The following ETV1 variants were observed in gnomAD, a reference collection of about 807,000 sequenced individuals.
The protein encoded by ETV1 is ETS variant transcription factor 1.
A neutral mutation model predicts 62.3 loss-of-function variants in ETV1; 27 were observed. That is an observed-to-expected ratio of 0.43 (90% confidence interval 0.32 to 0.60). ETV1 has a LOEUF of 0.60. Among genes scored for constraint, ETV1 ranks in the 20% least tolerant of loss-of-function variants. The probability of loss-of-function intolerance (pLI) is 0.06; values close to 1 mark genes in which losing one functional copy is unlikely to be tolerated. For missense variants in ETV1, 605 were observed against 605.8 expected (o/e 1.00, Z 0.01); for synonymous variants, 222 against 199.6 (o/e 1.11, Z -0.94).
chr7:13,988,971 A>G, intron 3 of ETV1, 37 bp downstream of exon 3: 1 of 1,566,428 alleles, frequency 6.4e-7, no homozygotes, highest in Non-Finnish European at 8.7e-7. Flanking sequence ...CGACGGAGTC[A>G]AGTTTATAAA....
Position 13,892,532 on chromosome 7 carries a change from G to A in ETV1, c.*3334C>T, listed in dbSNP as rs111778568. 0.032 allele frequency: 7,404 copies of A among 232,678 alleles called. 149 individuals are homozygous for A. The highest frequency in any genetic ancestry group is 0.051 in the Middle Eastern group (40 of 780). The allele number at this position is 232,678 out of a possible 1,614,324, so 14.4% of individuals were successfully genotyped here. On this transcript the variant is annotated 3_prime_UTR_variant, in exon 14 of 14. Transcript: ENST00000430479. The stretch of plus-strand genomic sequence containing the variant: ...GCTACACAGTCTTCCTCCTCCGTGC[G>A]GTGTTCTGAATAACAGCCCTGCCCT...
At chr7:13,898,535 C>G (rs1437487840) in intron 13 of ETV1, among the ~76,000 whole-genome samples, 1 of 152,140 alleles carries the variant, frequency 6.6e-6, no homozygotes, top group African/African-American at 2.4e-5. Flanking sequence ...TAAACATACA[C>G]TGTTCCATTG....
At chr7:13,979,414 T>A (rs1159344547) in intron 5 of ETV1, among the ~76,000 whole-genome samples, 1 of 152,052 alleles carries the variant, frequency 6.6e-6, no homozygotes, top group African/African-American at 2.4e-5. Flanking sequence ...AATCTGTACA[T>A]TAGCATTCTC....
chr7:13,950,406 A>G (rs1223374034), intron 6 of ETV1, among the ~76,000 whole-genome samples: 3 of 152,046 alleles, frequency 2.0e-5, no homozygotes, highest in Non-Finnish European at 4.4e-5. Flanking sequence ...TCCTACCAGT[A>G]ACAGTAACTT....
intron 5 of ETV1, among the ~76,000 whole-genome samples, chr7:13,978,705 C>T (rs1001082958): frequency 6.6e-6 from 1 of 151,644 alleles, no homozygotes; most frequent in Non-Finnish European, 1.5e-5. Context: ...AAAAGGAATT[C>T]TACATTTTAA....
chr7:13,928,926 C>G (rs903550863), intron 9 of ETV1, among the ~76,000 whole-genome samples: 1 of 152,148 alleles, frequency 6.6e-6, no homozygotes, highest in African/African-American at 2.4e-5. Context: ...CCACTGCACT[C>G]AAGCCTGGGC....
In ETV1 at chr7:13,894,256, T is replaced by C. The variant is rs192795345; in HGVS notation, c.*1610A>G. ...AAATTCATGTCCCTTGCTTGAATCT[T>C]TTAGCGAGCTATTCAGAGATTCTAT... On this transcript the variant is annotated 3_prime_UTR_variant, in exon 14 of 14. Transcript: ENST00000430479. 7.2e-4 allele frequency: 168 copies of C among 232,758 alleles called. No homozygotes were observed. Among genetic ancestry groups the C allele is most frequent in the African/African-American group, 3.5e-3 (159 of 45,424 alleles). 14.4% of individuals were successfully genotyped at this position (232,758 alleles called of 1,614,324 possible). A position where few individuals can be genotyped will look rare whatever the true frequency, so the allele number is the denominator to read the frequency against.
At chr7:13,900,873 G>T (rs779882751) in intron 12 of ETV1, 34 bp from the exon 13 acceptor site, 168 of 1,356,738 alleles carry the variant, frequency 1.2e-4, no homozygotes, top group Non-Finnish European at 1.6e-4. Flanking sequence ...GTAGTGTTAA[G>T]TATTAACTTA....
At chr7:13,902,291 T>A (rs912582617) in intron 12 of ETV1, among the ~76,000 whole-genome samples, 3 of 152,004 alleles carry the variant, frequency 2.0e-5, no homozygotes, top group Non-Finnish European at 4.4e-5. Context: ...CCTTTAGAAA[T>A]ACCGATCCTA....
intron 9 of ETV1, among the ~76,000 whole-genome samples, chr7:13,928,572 C>T (rs1247255883): frequency 2.6e-5 from 4 of 152,000 alleles, no homozygotes; most frequent in African/African-American, 7.3e-5. Flanking sequence ...CGAGATCGTG[C>T]CACTGCACTC....
At chr7:13,988,611 A>C in intron 3 of ETV1, 1 of 1,224,590 alleles carries the variant, frequency 8.2e-7, no homozygotes, top group Non-Finnish European at 1.0e-6. Flanking sequence ...AAAAAAAAAG[A>C]GAAAATGAGA....
At chr7:13,902,514 GC>G (rs750500281) in intron 12 of ETV1, among the ~76,000 whole-genome samples, 3 of 149,402 alleles carry the variant, frequency 2.0e-5, no homozygotes, top group African/African-American at 5.0e-5. Context: ...GTGAATTGAA[GC>G]GGGGGTGGGG....
Position 13,949,165 on chromosome 7 carries a change from T to TA in ETV1, c.236-9920dup, listed in dbSNP as rs202084966. ...ATTTCACTTGGCTATAGCAGTGATTTAAAAAAAAAAATCTCTGTAAAAGGG... is the reference window on the plus strand; with the variant it reads ...ATTTCACTTGGCTATAGCAGTGATTTAAAAAAAAAAAATCTCTGTAAAAGGG... On this transcript the variant is annotated intron_variant, in intron 6 of 13. Transcript: ENST00000430479. Among the ~76,000 whole-genome samples the TA allele has an allele frequency of 2.8e-3, 412 of 148,684 alleles. 1 individual carries two copies. The highest frequency in any genetic ancestry group is 7.9e-3 in the African/African-American group (321 of 40,750).
At position 13,935,874 on chromosome 7, in the gene ETV1, CT is replaced by C; in HGVS notation, c.387del (p.Val130TrpfsTer3). The C allele has an allele frequency of 6.2e-7, 1 of 1,613,484 alleles. No individual in the cohort carries two copies. The highest frequency in any genetic ancestry group is 8.5e-7 in the Non-Finnish European group (1 of 1,179,664). On this transcript the variant is annotated frameshift_variant, in exon 8 of 14. Coordinates refer to ENST00000430479, the MANE Select transcript of ETV1 (RefSeq NM_004956.5). LOFTEE classifies it high-confidence loss of function. Reference sequence around the variant, plus strand: ...GGGGGGTTGGAGGGCCTCATTCCCACTTGTGGCTTCTGATCATAGGCACTAC... The same window carrying C: ...GGGGGGTTGGAGGGCCTCATTCCCACTGTGGCTTCTGATCATAGGCACTAC... ...YNVSAYDQKPQVGMRPSNPPT... is the reference protein window; with the variant it reads ...YNVSAYDQKPXVGMRPSNPPT...
chr7:13,909,760 AAT>A, intron 10 of ETV1, 60 bp from the exon 11 acceptor site: 1 of 1,349,358 alleles, frequency 7.4e-7, no homozygotes. Flanking sequence ...AAACACTTAA[AAT>A]ATAACCATTT....
At chr7:13,988,642 A>G in intron 3 of ETV1, 2 of 1,558,222 alleles carry the variant, frequency 1.3e-6, no homozygotes, top group East Asian at 2.3e-5. Context: ...AAACAAAAAC[A>G]CCCCATATAA....
At chr7:13,926,848 C>T (rs374244434) in intron 9 of ETV1, among the ~76,000 whole-genome samples, 18 of 152,148 alleles carry the variant, frequency 1.2e-4, no homozygotes, top group African/African-American at 4.3e-4. Flanking sequence ...TGATTGAAGT[C>T]TTTTTCTTTT....
At chr7:13,944,857 G>C (rs1787965597) in intron 6 of ETV1, among the ~76,000 whole-genome samples, 1 of 152,020 alleles carries the variant, frequency 6.6e-6, no homozygotes, top group South Asian at 2.1e-4. Flanking sequence ...CTTATAAAAG[G>C]GGGAATCTGG....
chr7:13,896,043 T>C lies in ETV1; in HGVS notation c.1257A>G (p.Glu419=). Residue 419 remains glutamate (E), a synonymous_variant, in exon 14 of 14, where the codon GAA becomes GAG. Transcript: ENST00000430479. The part of the protein sequence containing the change: ...RYVYKFVCDP[E]ALFSMAFPDN... ...CTGGAAAGGCCATGGAGAAAAGGGCTTCTGGATCACACACAAACTTGTAGA... is the reference window on the plus strand; with the variant it reads ...CTGGAAAGGCCATGGAGAAAAGGGCCTCTGGATCACACACAAACTTGTAGA... 6.2e-7 allele frequency: 1 copy of C among 1,613,734 alleles called. No individual in the cohort carries two copies. Among genetic ancestry groups the C allele is most frequent in the Non-Finnish European group, 8.5e-7 (1 of 1,179,836 alleles).
Sources: gnomAD v4.1 joint callset for allele counts (sites outside exome capture counted in the v4.1 genomes callset) on GRCh38, gnomAD v4.1.1 for gene constraint, MANE v1.5 for transcripts, NCBI Gene and HGNC (gene_info 2026-07-23, HGNC 2026-07-21) for gene names.